Variants in ZFAT observed in about 807,000 individuals in gnomAD.
ZFAT encodes the protein zinc finger protein ZFAT.
ZFAT carries 64 observed loss-of-function variants against 117.7 expected under a neutral mutation model. The observed-to-expected ratio is 0.54, with a 90% CI of 0.44 to 0.67. The LOEUF (loss-of-function observed/expected upper bound fraction) is 0.67, where lower values mean the gene tolerates loss of function less well. Among genes scored for constraint, ZFAT ranks in the 30% least tolerant of loss-of-function variants. ZFAT has a pLI of 0.00. For synonymous variants in ZFAT, 679 were observed against 615.0 expected (o/e 1.10, Z -1.54); for missense variants, 1,433 against 1,584.5 (o/e 0.90, Z 1.62).
At chr8:134,690,517 G>A (rs972217790) in intron 1 of ZFAT, among the ~76,000 whole-genome samples, 1 of 152,164 alleles carries the variant, frequency 6.6e-6, no homozygotes, top group African/African-American at 2.4e-5. Context: ...GTCTGAGATT[G>A]GCCTCAGTTA....
At chr8:134,698,260 A>C (rs1045525001) in intron 1 of ZFAT, among the ~76,000 whole-genome samples, 1 of 149,926 alleles carries the variant, frequency 6.7e-6, no homozygotes, top group Non-Finnish European at 1.5e-5. Flanking sequence ...CAGGAGGTGG[A>C]GCTGAGTGAG....
intron 1 of ZFAT, among the ~76,000 whole-genome samples, chr8:134,690,531 T>G (rs906782930): frequency 6.6e-6 from 1 of 152,194 alleles, no homozygotes; most frequent in South Asian, 2.1e-4. Flanking sequence ...TCAGTTATAT[T>G]GGGCTCAGTT....
chr8:134,496,508 G>A (rs1260348410), intron 15 of ZFAT, among the ~76,000 whole-genome samples: 4 of 152,230 alleles, frequency 2.6e-5, no homozygotes, highest in Non-Finnish European at 5.9e-5. Context: ...TGCCAGCCTG[G>A]AGAGCATGAG....
the ZFAT span, among the ~76,000 whole-genome samples, chr8:134,825,442 C>T: frequency 6.6e-6 from 1 of 152,152 alleles, no homozygotes; most frequent in Non-Finnish European, 1.5e-5. Context: ...TTATAATTAA[C>T]AGATTGAAAA....
intron 15 of ZFAT, among the ~76,000 whole-genome samples, chr8:134,481,177 T>C (rs1462053808): frequency 6.6e-6 from 1 of 152,172 alleles, no homozygotes; most frequent in Non-Finnish European, 1.5e-5. Context: ...GAAGTAAATA[T>C]TAATTTATTT....
intron 12 of ZFAT, among the ~76,000 whole-genome samples, chr8:134,528,860 T>C (rs1392719312): frequency 6.6e-6 from 1 of 152,226 alleles, no homozygotes; most frequent in Non-Finnish European, 1.5e-5. Context: ...ACGACTGCCT[T>C]GTTTGACACC....
chr8:134,518,150 A>T (rs1220197010), intron 13 of ZFAT, among the ~76,000 whole-genome samples: 2 of 152,016 alleles, frequency 1.3e-5, no homozygotes, highest in African/African-American at 2.4e-5. Context: ...GTAACTTTCT[A>T]TTTCCCTCAT....
At chr8:134,482,831 G>T (rs915198610) in intron 15 of ZFAT, among the ~76,000 whole-genome samples, 28 of 152,216 alleles carry the variant, frequency 1.8e-4, no homozygotes, top group African/African-American at 6.8e-4. Context: ...ATGTGACAGG[G>T]AGGCACGCTG....
chr8:134,582,078 GACA>G (rs1228797086), intron 10 of ZFAT, among the ~76,000 whole-genome samples: 3 of 152,192 alleles, frequency 2.0e-5, no homozygotes, highest in African/African-American at 7.2e-5. Context: ...TTCCTGCTTT[GACA>G]ACAAGACATC....
the ZFAT span, among the ~76,000 whole-genome samples, chr8:134,789,603 T>C: frequency 1.3e-5 from 2 of 152,248 alleles, no homozygotes; most frequent in Non-Finnish European, 2.9e-5. Context: ...CAGCCACCAT[T>C]TTTTGATCTT....
the ZFAT span, among the ~76,000 whole-genome samples, chr8:134,743,372 C>A: frequency 6.6e-6 from 1 of 152,042 alleles, no homozygotes; most frequent in Non-Finnish European, 1.5e-5. Flanking sequence ...GCCTGTAATA[C>A]CAGCTACTCG....
chr8:134,559,284 A>G (rs557744634), intron 11 of ZFAT, among the ~76,000 whole-genome samples: 28 of 152,304 alleles, frequency 1.8e-4, no homozygotes, highest in African/African-American at 6.7e-4. Flanking sequence ...AGAGGCTTGA[A>G]AGCAAACATA....
At chr8:134,506,345 A>T (rs926943994) in intron 15 of ZFAT, among the ~76,000 whole-genome samples, 1 of 152,228 alleles carries the variant, frequency 6.6e-6, no homozygotes, top group Non-Finnish European at 1.5e-5. Flanking sequence ...CGCAAGCATG[A>T]TTCTTTCTGA....
At chr8:134,821,976 A>G in the ZFAT span, among the ~76,000 whole-genome samples, 1 of 152,186 alleles carries the variant, frequency 6.6e-6, no homozygotes, top group Non-Finnish European at 1.5e-5. Flanking sequence ...CATGCTGTTG[A>G]GGGAAATGAA....
At chr8:134,667,306 C>G (rs529396647) in intron 1 of ZFAT, among the ~76,000 whole-genome samples, 1 of 152,148 alleles carries the variant, frequency 6.6e-6, no homozygotes, top group African/African-American at 2.4e-5. Context: ...CCCTGGCTAA[C>G]ACAGTGAAAC....
chr8:134,703,997 C>A (rs1344891511), intron 1 of ZFAT, among the ~76,000 whole-genome samples: 1 of 152,132 alleles, frequency 6.6e-6, no homozygotes, highest in Non-Finnish European at 1.5e-5. Flanking sequence ...GAGCATGCTA[C>A]CAAATAGGTC....
intron 7 of ZFAT, 90 bp downstream of exon 7, chr8:134,600,346 T>G: frequency 8.6e-7 from 1 of 1,167,378 alleles, no homozygotes; most frequent in Non-Finnish European, 1.3e-6. Flanking sequence ...AGGGCTGACC[T>G]GCAGCAGAGA....
At position 134,657,586 on chromosome 8, in the gene ZFAT, G is replaced by A; in HGVS notation, c.171C>T (p.Pro57=). 6.2e-7 allele frequency: 1 copy of A among 1,612,634 alleles called. No homozygotes were observed. ...IPLRPLSTPE[P]PNSSKTGDEF... ...CATCTCCGGTTTTGCTTGAGTTGGG[G>A]GGTTCAGGTGTACTCAGAGGCCTAA... is the stretch of plus-strand genomic sequence containing the variant. Residue 57 remains proline, a synonymous_variant, in exon 2 of 16, where the codon CCC becomes CCT. Coordinates refer to ENST00000377838, the MANE Select transcript of ZFAT (RefSeq NM_020863.4).
rs374433692 is a variant in ZFAT, at chr8:134,658,059, C to T, written c.20-322G>A. Among the ~76,000 whole-genome samples, 30 of 152,302 alleles carry T rather than the reference C, an allele frequency of 2.0e-4. No homozygotes were observed. The East Asian group carries it at 2.7e-3, about 14-fold the overall frequency. On this transcript the variant is annotated intron_variant, in intron 1 of 15. Coordinates refer to ENST00000377838, the MANE Select transcript of ZFAT (RefSeq NM_020863.4). Reference sequence around the variant, plus strand: ...GCCAAGTAAAAAATAAATATGCGGCCGGGCGCGGTGGCGCACGCCTGTAAT... The same window carrying T: ...GCCAAGTAAAAAATAAATATGCGGCTGGGCGCGGTGGCGCACGCCTGTAAT...
Sources: gnomAD v4.1 joint callset for allele counts (sites outside exome capture counted in the v4.1 genomes callset) on GRCh38, gnomAD v4.1.1 for gene constraint, MANE v1.5 for transcripts, NCBI Gene and HGNC (gene_info 2026-07-23, HGNC 2026-07-21) for gene names.